Variants in ADAMTS18 observed in about 807,000 individuals in gnomAD.
ADAMTS18 encodes the protein A disintegrin and metalloproteinase with thrombospondin motifs 18.
A neutral mutation model predicts 165.9 loss-of-function variants in ADAMTS18; 157 were observed. The observed-to-expected ratio is 0.95, with a 90% CI of 0.83 to 1.08. ADAMTS18 has a LOEUF of 1.08. Among genes scored for constraint, ADAMTS18 ranks in the 50% least tolerant of loss-of-function variants. The pLI is 0.00. For synonymous variants in ADAMTS18, 782 were observed against 578.2 expected (o/e 1.35, Z -5.06); for missense variants, 2,040 against 1,534.0 (o/e 1.33, Z -5.51).
intron 7 of ADAMTS18, among the ~76,000 whole-genome samples, chr16:77,361,469 G>T (rs2056712019): frequency 6.6e-6 from 1 of 152,198 alleles, no homozygotes; most frequent in South Asian, 2.1e-4. Context: ...TAGGTACCAT[G>T]GAGCCCAGTA....
intron 3 of ADAMTS18, among the ~76,000 whole-genome samples, chr16:77,420,256 A>C (rs2057584714): frequency 6.6e-6 from 1 of 152,124 alleles, no homozygotes; most frequent in Non-Finnish European, 1.5e-5. Context: ...CTCCAAGATC[A>C]AATAACTAGC....
chr16:77,353,984 T>G lies in ADAMTS18; in HGVS notation c.1461-98A>C, dbSNP rs770108753. ...GAATGCATTCATGCAAAGAAAAATA[T>G]AGCATGGTTCTAGAAACAGGTATAT... On this transcript the variant is annotated intron_variant, in intron 9 of 22. Transcript: ENST00000282849. 2.8e-6 allele frequency: 4 copies of G among 1,426,558 alleles called. No individual in the cohort carries two copies. In the African/African-American group the frequency reaches 5.6e-5, roughly 20 times the overall value. 88.4% of individuals were successfully genotyped at this position (1,426,558 alleles called of 1,614,324 possible). A position where few individuals can be genotyped will look rare whatever the true frequency, so the allele number is the denominator to read the frequency against.
At chr16:77,373,939 C>T (rs900594506) in intron 3 of ADAMTS18, among the ~76,000 whole-genome samples, 2 of 152,112 alleles carry the variant, frequency 1.3e-5, no homozygotes, top group Admixed American at 1.3e-4. Context: ...TTTCTCCAGG[C>T]AGGGCATGGT....
chr16:77,366,450 A>G (rs1241237739), intron 4 of ADAMTS18, among the ~76,000 whole-genome samples: 1 of 152,174 alleles, frequency 6.6e-6, no homozygotes, highest in Non-Finnish European at 1.5e-5. Flanking sequence ...TCCACCTAGT[A>G]GGGAGTCTGA....
At chr16:77,334,133 T>C (rs62652205) in intron 12 of ADAMTS18, among the ~76,000 whole-genome samples, 19,098 of 51,156 alleles carry the variant, frequency 0.37, 1,232 homozygotes, top group Admixed American at 0.39. Context: ...ATATAATATA[T>C]AGTGTTATAT....
intron 11 of ADAMTS18, 97 bp downstream of exon 11, chr16:77,341,607 C>G (rs1425436021): frequency 3.1e-6 from 3 of 970,420 alleles, no homozygotes; most frequent in African/African-American, 3.2e-5. Flanking sequence ...AGAATATAAA[C>G]TACCAAAGCA....
At chr16:77,416,492 G>C (rs2057532088) in intron 3 of ADAMTS18, among the ~76,000 whole-genome samples, 1 of 152,170 alleles carries the variant, frequency 6.6e-6, no homozygotes, top group Non-Finnish European at 1.5e-5. Context: ...ATGGTAGTGA[G>C]TAAGACTCAG....
chr16:77,332,695 A>G (rs2056209827), intron 12 of ADAMTS18, among the ~76,000 whole-genome samples: 1 of 152,130 alleles, frequency 6.6e-6, no homozygotes, highest in Admixed American at 6.5e-5. Context: ...GAGCATATAA[A>G]AGTAACATAA....
chr16:77,290,012 C>A (rs1223823960), intron 21 of ADAMTS18, among the ~76,000 whole-genome samples: 1 of 152,078 alleles, frequency 6.6e-6, no homozygotes, highest in Non-Finnish European at 1.5e-5. Context: ...TACTTCATAA[C>A]AAAAGGAAAA....
intron 3 of ADAMTS18, among the ~76,000 whole-genome samples, chr16:77,414,852 G>GA (rs1176727450): frequency 6.6e-6 from 1 of 152,100 alleles, no homozygotes; most frequent in Non-Finnish European, 1.5e-5. Flanking sequence ...ACAAATAAAA[G>GA]AAATCAATTA....
At chr16:77,340,548 T>C (rs1434689934) in intron 11 of ADAMTS18, among the ~76,000 whole-genome samples, 1 of 152,146 alleles carries the variant, frequency 6.6e-6, no homozygotes. Flanking sequence ...CTGTTCCCCA[T>C]ATCTAGTAAT....
chr16:77,333,366 A>C (rs1468220469), intron 12 of ADAMTS18, among the ~76,000 whole-genome samples: 1 of 152,046 alleles, frequency 6.6e-6, no homozygotes, highest in East Asian at 1.9e-4. Flanking sequence ...GTGGGGCTTA[A>C]AGCTTAGATG....
chr16:77,334,157 TAC>T (rs1343582486), intron 12 of ADAMTS18, among the ~76,000 whole-genome samples: 3 of 95,282 alleles, frequency 3.1e-5, no homozygotes, highest in African/African-American at 4.2e-5. Context: ...ATATATAATA[TAC>T]AGTGTTATAT....
chr16:77,423,787 A>T (rs1361351013), intron 3 of ADAMTS18, among the ~76,000 whole-genome samples: 1 of 152,138 alleles, frequency 6.6e-6, no homozygotes, highest in Non-Finnish European at 1.5e-5. Flanking sequence ...CCACTCCCAC[A>T]AGATCTCCAA....
intron 3 of ADAMTS18, among the ~76,000 whole-genome samples, chr16:77,391,491 C>CAA (rs35087282): frequency 0.064 from 8,451 of 133,060 alleles, 323 homozygotes; most frequent in African/African-American, 0.11. Context: ...GACTCAGTCT[C>CAA]AAAAAAAAAA....
At position 77,367,522 on chromosome 16, in the gene ADAMTS18, G is replaced by C. The variant is rs763822253; in HGVS notation, c.697C>G (p.Pro233Ala). ...GTCTCTCGACTCTGAGATGCATGGG[G>C]AATGTGACTTGGGGAGTAACCAGGA... ...NYPGYSPSHI[P>A]HASQSRETEY... Residue 233 changes from proline to alanine, a missense_variant, in exon 4 of 23, where the codon CCC becomes GCC. Coordinates refer to ENST00000282849, the MANE Select transcript of ADAMTS18 (RefSeq NM_199355.4). 2 of 1,614,232 alleles carry C rather than the reference G, an allele frequency of 1.2e-6. No individual in the cohort carries two copies. Among genetic ancestry groups the C allele is most frequent in the Admixed American group, 3.3e-5 (2 of 60,032 alleles).
chr16:77,386,134 G>T (rs2057104130), intron 3 of ADAMTS18, among the ~76,000 whole-genome samples: 1 of 152,146 alleles, frequency 6.6e-6, no homozygotes, highest in Non-Finnish European at 1.5e-5. Context: ...GTGATACAAA[G>T]TACAATTTCT....
At chr16:77,398,290 C>G (rs2057284090) in intron 3 of ADAMTS18, among the ~76,000 whole-genome samples, 1 of 151,868 alleles carries the variant, frequency 6.6e-6, no homozygotes, top group African/African-American at 2.4e-5. Flanking sequence ...GCACTACAGC[C>G]TGAGAAACAG....
At chr16:77,311,401 G>A (rs2055777524) in intron 16 of ADAMTS18, among the ~76,000 whole-genome samples, 1 of 152,136 alleles carries the variant, frequency 6.6e-6, no homozygotes, top group African/African-American at 2.4e-5. Context: ...GCTCTTCATA[G>A]CTGTTGTATG....
Sources: gnomAD v4.1 joint callset for allele counts (sites outside exome capture counted in the v4.1 genomes callset) on GRCh38, gnomAD v4.1.1 for gene constraint, MANE v1.5 for transcripts, NCBI Gene and HGNC (gene_info 2026-07-23, HGNC 2026-07-21) for gene names.